The following CCDC191 variants were observed in gnomAD, a reference collection of about 807,000 sequenced individuals.
CCDC191 encodes coiled-coil domain containing 191, also known as coiled-coil domain-containing protein 191.
Under a neutral mutation model 114.0 loss-of-function variants are expected in CCDC191, and 99 were observed. That is an observed-to-expected ratio of 0.87 (90% CI 0.74 to 1.03). The LOEUF is 1.03. CCDC191 is among the 50% of genes least tolerant of loss of function. The pLI is 0.00. For missense variants in CCDC191, 973 were observed against 1,087.0 expected (o/e 0.90, Z 1.47); for synonymous variants, 351 against 376.0 (o/e 0.93, Z 0.77).
intron 9 of CCDC191, among the ~76,000 whole-genome samples, chr3:114,008,609 C>G (rs1158306859): frequency 6.6e-6 from 1 of 151,968 alleles, no homozygotes; most frequent in Non-Finnish European, 1.5e-5. Context: ...TTTATAAAAA[C>G]TAAACAACTG....
intron 2 of CCDC191, among the ~76,000 whole-genome samples, chr3:114,052,859 G>A (rs914900052): frequency 2.6e-5 from 4 of 152,206 alleles, no homozygotes; most frequent in African/African-American, 9.7e-5. Context: ...AATACTGTCA[G>A]AATGGTCTTT....
intron 6 of CCDC191, among the ~76,000 whole-genome samples, chr3:114,032,309 C>T (rs973703066): frequency 2.6e-5 from 4 of 152,076 alleles, no homozygotes; most frequent in South Asian, 2.1e-4. Context: ...AGGAAAAGGA[C>T]TTTAGGCAAG....
At chr3:113,980,418 C>T (rs189472631) in intron 14 of CCDC191, among the ~76,000 whole-genome samples, 2 of 152,298 alleles carry the variant, frequency 1.3e-5, no homozygotes, top group Admixed American at 1.3e-4. Flanking sequence ...TTGGGGGGAT[C>T]TCTAATAAAA....
At chr3:114,046,368 A>G (rs1385837526) in intron 3 of CCDC191, among the ~76,000 whole-genome samples, 1 of 152,216 alleles carries the variant, frequency 6.6e-6, no homozygotes, top group Admixed American at 6.5e-5. Context: ...TGTTGTATCA[A>G]ACTACCTCTG....
chr3:114,035,298 T>C, intron 5 of CCDC191, 150 bp from the exon 6 acceptor site: 2 of 619,868 alleles, frequency 3.2e-6, no homozygotes, highest in East Asian at 5.5e-5. Context: ...AAGGAGGAAT[T>C]CATCTGTTTA....
intron 8 of CCDC191, among the ~76,000 whole-genome samples, chr3:114,015,523 T>C (rs1378233210): frequency 6.6e-6 from 1 of 152,200 alleles, no homozygotes; most frequent in African/African-American, 2.4e-5. Context: ...ACCATGTTTC[T>C]TCCCAATTTT....
intron 13 of CCDC191, among the ~76,000 whole-genome samples, chr3:113,981,079 G>C (rs1376796874): frequency 6.6e-6 from 1 of 152,064 alleles, no homozygotes. Context: ...GTAACTAAAA[G>C]GTAAAACATC....
chr3:114,005,718 T>C lies in CCDC191; in HGVS notation c.1658A>G (p.His553Arg), dbSNP rs1362779613. ...CTGTTGCTGGAAGACATGGCGGTTG[T>C]GGAAATGACCCAAGCAAAGCGGTTC... ...KAEPLCLGHF[H>R]NRHVFQQQLI... Residue 553 changes from histidine to arginine, a missense_variant, in exon 10 of 17, where the codon CAC (histidine) becomes CGC (arginine). Coordinates refer to ENST00000295878, the MANE Select transcript of CCDC191 (RefSeq NM_020817.2). The C allele has an allele frequency of 6.2e-7, 1 of 1,614,044 alleles. No homozygotes were observed. Among genetic ancestry groups the C allele is most frequent in the Non-Finnish European group, 8.5e-7 (1 of 1,180,014 alleles).
intron 3 of CCDC191, 113 bp downstream of exon 3, chr3:114,046,478 A>T: frequency 2.7e-6 from 2 of 736,988 alleles, no homozygotes. Context: ...GGGAGTAGAA[A>T]GAAAGGGAAA....
intron 13 of CCDC191, among the ~76,000 whole-genome samples, chr3:113,987,300 T>C (rs544503390): frequency 6.6e-6 from 1 of 151,706 alleles, no homozygotes; most frequent in South Asian, 2.1e-4. Flanking sequence ...ATAAAGAATA[T>C]AATATAGGTT....
At chr3:114,044,162 G>C (rs778442867) in intron 3 of CCDC191, among the ~76,000 whole-genome samples, 4 of 150,876 alleles carry the variant, frequency 2.7e-5, no homozygotes, top group Admixed American at 2.0e-4. Context: ...TCATAGAAGT[G>C]GATGAAATTA....
chr3:114,046,206 A>AC (rs1329487269), intron 3 of CCDC191, among the ~76,000 whole-genome samples: 21 of 152,208 alleles, frequency 1.4e-4, no homozygotes, highest in Admixed American at 1.4e-3. Context: ...TGCTTCTGGG[A>AC]CATAGGAAGG....
rs771203406 is a variant in CCDC191, at chr3:114,004,584, T to C, written c.1978+53A>G. 3 of 1,586,698 alleles carry C rather than the reference T, an allele frequency of 1.9e-6. No individual in the cohort carries two copies. In the South Asian group the frequency reaches 3.3e-5, roughly 18 times the overall value. The stretch of plus-strand genomic sequence containing the variant: ...GAATTCAGTCCCAGTGTACACATTC[T>C]ACTCTAGGAGAGAAGATAACAACCA... On this transcript the variant is annotated intron_variant, in intron 11 of 16. Coordinates refer to ENST00000295878, the MANE Select transcript of CCDC191 (RefSeq NM_020817.2).
At chr3:114,037,478 A>G (rs531786991) in intron 4 of CCDC191, among the ~76,000 whole-genome samples, 3 of 152,374 alleles carry the variant, frequency 2.0e-5, no homozygotes, top group African/African-American at 7.2e-5. Context: ...TGTGTGTATC[A>G]ATAGTTTATC....
In CCDC191 at chr3:113,978,417, A is replaced by G. The variant is rs2075013835; in HGVS notation, c.2461-86T>C. ...CAAATAAACAGCACAAAAGACAGAA[A>G]TGAAACAAAAGAAACAAATGACACT... On this transcript the variant is annotated intron_variant, in intron 15 of 16. Transcript: ENST00000295878. The G allele has an allele frequency of 5.8e-6, 8 of 1,377,396 alleles. No homozygotes were observed. The South Asian group carries it at 9.1e-5, about 16-fold the overall frequency. The allele number at this position is 1,377,396 out of a possible 1,614,324, so 85.3% of individuals were successfully genotyped here. A position where few individuals can be genotyped will look rare whatever the true frequency, so the allele number is the denominator to read the frequency against.
At chr3:113,983,680 C>T (rs1000374088) in intron 13 of CCDC191, among the ~76,000 whole-genome samples, 3 of 152,218 alleles carry the variant, frequency 2.0e-5, no homozygotes, top group African/African-American at 7.2e-5. Context: ...TTCTTCATTG[C>T]TACATTCTAA....
At chr3:114,044,486 A>G (rs2076603663) in intron 3 of CCDC191, among the ~76,000 whole-genome samples, 1 of 152,214 alleles carries the variant, frequency 6.6e-6, no homozygotes, top group African/African-American at 2.4e-5. Flanking sequence ...GATGATCATT[A>G]TTGCATAGTT....
intron 7 of CCDC191, among the ~76,000 whole-genome samples, chr3:114,027,397 C>T (rs1297979813): frequency 1.3e-5 from 2 of 152,080 alleles, no homozygotes; most frequent in South Asian, 2.1e-4. Flanking sequence ...GGGCGGATCA[C>T]GAGGTCAGGA....
chr3:114,027,413 A>G (rs371532667), intron 7 of CCDC191, among the ~76,000 whole-genome samples: 1 of 152,006 alleles, frequency 6.6e-6, no homozygotes, highest in Admixed American at 6.6e-5. Context: ...CAGGAGATTG[A>G]GAACAGCCTG....
Sources: allele counts gnomAD v4.1 joint callset (sites outside exome capture counted in the v4.1 genomes callset), GRCh38; gene constraint gnomAD v4.1.1; transcripts MANE v1.5; gene names NCBI Gene and HGNC (gene_info 2026-07-23, HGNC 2026-07-21).